AFAP1L1: variants seen among roughly 807,000 people sequenced by gnomAD.
AFAP1L1 encodes the protein actin filament associated protein 1 like 1, also known as actin filament-associated protein 1-like 1.
Under a neutral mutation model 99.8 loss-of-function variants are expected in AFAP1L1, and 77 were observed. The ratio of observed to expected loss-of-function variants is 0.77; its 90% CI spans 0.64 to 0.93. The LOEUF (loss-of-function observed/expected upper bound fraction) is 0.93. AFAP1L1 is among the 40% of genes least tolerant of loss of function. The pLI is 0.00. For missense variants in AFAP1L1, 893 were observed against 996.8 expected, an observed-to-expected ratio of 0.90 and a Z score of 1.40; for synonymous variants, 373 against 395.3, an observed-to-expected ratio of 0.94 and a Z score of 0.67.
chr5:149,290,981 A>T (rs984272298), intron 1 of AFAP1L1, among the ~76,000 whole-genome samples: 5 of 152,228 alleles, frequency 3.3e-5, no homozygotes, highest in Non-Finnish European at 5.9e-5. Context: ...AAAATACATA[A>T]GTAAATACAA....
intron 12 of AFAP1L1, 76 bp downstream of exon 12, chr5:149,318,016 G>A: frequency 3.4e-6 from 5 of 1,491,976 alleles, no homozygotes; most frequent in Non-Finnish European, 4.5e-6. Flanking sequence ...TTGTTTGGGG[G>A]AGCCCTTGCT....
chr5:149,307,596 A>C lies in AFAP1L1; in HGVS notation c.730A>C (p.Arg244=), dbSNP rs1307960786. ...GTGGGCCAAGCAGCTGACGGTCATC[A>C]GGGAGGACCAGCTCCTGGTGAGTGG... ...GQWAKQLTVI[R]EDQLLCYKSS... The change falls in exon 7 of 19, where the codon AGG becomes CGG. Residue 244 remains arginine, a synonymous_variant. Coordinates refer to ENST00000296721, the MANE Select transcript of AFAP1L1 (RefSeq NM_152406.4). The C allele has an allele frequency of 6.2e-6, 10 of 1,612,284 alleles. No homozygotes were observed. The highest frequency in any genetic ancestry group is 8.5e-6 in the Non-Finnish European group (10 of 1,179,946).
At chr5:149,325,165 G>C (rs1757060646) in intron 15 of AFAP1L1, among the ~76,000 whole-genome samples, 1 of 152,156 alleles carries the variant, frequency 6.6e-6, no homozygotes. Flanking sequence ...ATTTTCCTAA[G>C]GGCAAATGAA....
chr5:149,301,858 T>TGAG (rs1756227789), intron 4 of AFAP1L1, among the ~76,000 whole-genome samples: 1 of 152,264 alleles, frequency 6.6e-6, no homozygotes, highest in African/African-American at 2.4e-5. Flanking sequence ...GTCCTTTACA[T>TGAG]GCTGACAGCA....
In AFAP1L1 at chr5:149,301,161, G is replaced by C. The variant is rs753723021; in HGVS notation, c.258G>C (p.Met86Ile). ...FDCDLSDLRDMPEDDGEPSKG... is the reference protein window; with the variant it reads ...FDCDLSDLRDIPEDDGEPSKG... ...GTGACCTGAGTGACCTTCGGGACAT[G>C]CCAGAGGATGATGGGGAGCCCAGCA... is the stretch of plus-strand genomic sequence containing the variant. The change falls in exon 4 of 19, where the codon ATG becomes ATC. Residue 86 changes from methionine to isoleucine, a missense_variant. Coordinates refer to ENST00000296721, the MANE Select transcript of AFAP1L1 (RefSeq NM_152406.4). The C allele has an allele frequency of 1.2e-6, 2 of 1,613,864 alleles. No homozygotes were observed. Among genetic ancestry groups the C allele is most frequent in the African/African-American group, 2.7e-5 (2 of 74,896 alleles).
chr5:149,339,925 A>C, intron 18 of AFAP1L1, 82 bp from the exon 19 acceptor site: 2 of 1,511,848 alleles, frequency 1.3e-6, no homozygotes, highest in Non-Finnish European at 1.8e-6. Context: ...ATCTTCATCT[A>C]ACTAGGTGCC....
At chr5:149,307,842 C>CTCTCTCTCTCTCTG (rs1456028133) in intron 7 of AFAP1L1, among the ~76,000 whole-genome samples, 1 of 150,006 alleles carries the variant, frequency 6.7e-6, no homozygotes, top group Non-Finnish European at 1.5e-5. Context: ...CTCTCTCTCT[C>CTCTCTCTCTCTCTG]TCTCTCTCTC....
chr5:149,309,994 G>T lies in AFAP1L1; in HGVS notation c.786G>T (p.Arg262Ser). 1 of 1,614,232 alleles carries T rather than the reference G, an allele frequency of 6.2e-7. No homozygotes were observed. Among genetic ancestry groups the T allele is most frequent in the Non-Finnish European group, 8.5e-7 (1 of 1,180,042 alleles). Residue 262 changes from arginine (R) to serine (S), a missense_variant, in exon 8 of 19, where the codon AGG (arginine) becomes AGT (serine). Physicochemically the swap from Arg to Ser is moderately radical, Grantham distance 110. Transcript: ENST00000296721. ...KSSKDRQPHL[R>S]LALDTCSIIY... ...CCAAGGATCGGCAGCCACATCTGAG[G>T]TTGGCACTGGATACCTGCAGCATCA...
At chr5:149,282,725 T>C (rs1306548648) in intron 1 of AFAP1L1, among the ~76,000 whole-genome samples, 1 of 152,112 alleles carries the variant, frequency 6.6e-6, no homozygotes, top group African/African-American at 2.4e-5. Flanking sequence ...ACCGAAAAGG[T>C]TGGCCAACCC....
At position 149,320,256 on chromosome 5, in the gene AFAP1L1, C is replaced by A; in HGVS notation, c.1626-135C>A. On this transcript the variant is annotated intron_variant, in intron 13 of 18. Coordinates refer to ENST00000296721, the MANE Select transcript of AFAP1L1 (RefSeq NM_152406.4). The surrounding 1 kb of genome is among the most constrained non-coding windows in gnomAD (Gnocchi z 4.0). ...ACAGCCCATGACACAATGCTGCCTGCCATCTTGCTTTTACCAATCTTCTGA... is the reference window on the plus strand; with the variant it reads ...ACAGCCCATGACACAATGCTGCCTGACATCTTGCTTTTACCAATCTTCTGA... 1 of 787,074 alleles carries A rather than the reference C, an allele frequency of 1.3e-6. No individual in the cohort carries two copies. Among genetic ancestry groups the A allele is most frequent in the Non-Finnish European group, 2.1e-6 (1 of 474,012 alleles). 48.8% of individuals were successfully genotyped at this position (787,074 alleles called of 1,614,324 possible). A position where few individuals can be genotyped will look rare whatever the true frequency, so the allele number is the denominator to read the frequency against.
At chr5:149,339,945 C>T (rs1757515816) in intron 18 of AFAP1L1, 62 bp from the exon 19 acceptor site, 2 of 1,593,088 alleles carry the variant, frequency 1.3e-6, no homozygotes, top group Non-Finnish European at 1.7e-6. Context: ...CGTGAAATCT[C>T]TTTATCCATG....
At position 149,307,818 on chromosome 5, in the gene AFAP1L1, T is replaced by TTCTCTCCCTCTCTCTCTCTC. The variant is rs1756473971; in HGVS notation, c.747+211_747+212insCCTCTCTCTCTCTCTCTCTC. On this transcript the variant is annotated intron_variant, in intron 7 of 18. Transcript: ENST00000296721. ...ACACACACACACCCTGTGCCTCTCT[T>TTCTCTCCCTCTCTCTCTCTC]TCTCTCTCTCTCTCTCTCTCTCTCT... Among the ~76,000 whole-genome samples the TTCTCTCCCTCTCTCTCTCTC allele has an allele frequency of 8.0e-5, 8 of 100,568 alleles. 1 individual carries two copies. The South Asian group carries it at 3.3e-3, about 42-fold the overall frequency. 66.0% of individuals were successfully genotyped at this position (100,568 alleles called of 152,430 possible). A position where few individuals can be genotyped will look rare whatever the true frequency, so the allele number is the denominator to read the frequency against.
rs202169673 is a variant in AFAP1L1, at chr5:149,310,027, G to A, written c.819G>A (p.Val273=). ...TGGATACCTGCAGCATCATCTACGT[G>A]CCCAAGGACAGCCGGCACAAGAGGC... ...LALDTCSIIY[V]PKDSRHKRHE... The change falls in exon 8 of 19, where the codon GTG becomes GTA. Residue 273 remains valine (V), a synonymous_variant. Transcript: ENST00000296721. The A allele has an allele frequency of 1.1e-5, 18 of 1,614,224 alleles. No homozygotes were observed. The African/African-American group carries it at 1.7e-4, about 16-fold the overall frequency.
intron 1 of AFAP1L1, among the ~76,000 whole-genome samples, chr5:149,288,851 A>G (rs1581296508): frequency 6.6e-6 from 1 of 152,272 alleles, no homozygotes; most frequent in African/African-American, 2.4e-5. Flanking sequence ...GGTGGAGGAC[A>G]AGAACCTGGG....
In AFAP1L1 at chr5:149,303,511, G is replaced by T. The variant is rs115761284; in HGVS notation, c.436+985G>T. Among the ~76,000 whole-genome samples, 557 of 152,276 alleles carry T rather than the reference G, an allele frequency of 3.7e-3. 1 individual carries two copies. Among genetic ancestry groups the T allele is most frequent in the African/African-American group, 0.013 (530 of 41,552 alleles). On this transcript the variant is annotated intron_variant, in intron 5 of 18. Coordinates refer to ENST00000296721, the MANE Select transcript of AFAP1L1 (RefSeq NM_152406.4). Reference sequence around the variant, plus strand: ...TATAAGATAATGTTTGTGTGATGCTGCTCTGTCATTCAGTAGCACAGTGGA... The same window carrying T: ...TATAAGATAATGTTTGTGTGATGCTTCTCTGTCATTCAGTAGCACAGTGGA...
intron 9 of AFAP1L1, among the ~76,000 whole-genome samples, chr5:149,313,553 G>C (rs969456965): frequency 6.6e-6 from 1 of 152,172 alleles, no homozygotes; most frequent in African/African-American, 2.4e-5. Flanking sequence ...TGACCATGCT[G>C]CCCCTCCTCT....
intron 14 of AFAP1L1, among the ~76,000 whole-genome samples, chr5:149,321,662 G>C (rs1403097029): frequency 6.9e-6 from 1 of 144,116 alleles, no homozygotes; most frequent in African/African-American, 2.6e-5. Context: ...CAAGGAGGTG[G>C]AAGTGAGCCA....
intron 1 of AFAP1L1, among the ~76,000 whole-genome samples, chr5:149,273,778 C>T (rs1241342079): frequency 6.6e-6 from 1 of 151,550 alleles, no homozygotes; most frequent in African/African-American, 2.4e-5. Context: ...CCTTCACACT[C>T]CTAGTCGCCC....
At chr5:149,272,685 A>T (rs776323033) in intron 1 of AFAP1L1, among the ~76,000 whole-genome samples, 2 of 152,110 alleles carry the variant, frequency 1.3e-5, no homozygotes, top group Non-Finnish European at 2.9e-5. Flanking sequence ...GTAGGGGGCT[A>T]GCGCACATTT....
Sources: gnomAD v4.1 joint callset for allele counts (sites outside exome capture counted in the v4.1 genomes callset) on GRCh38, gnomAD v4.1.1 for gene constraint, Gnocchi (gnomAD v3.1) non-coding constraint, MANE v1.5 for transcripts, NCBI Gene and HGNC (gene_info 2026-07-23, HGNC 2026-07-21) for gene names.